ANKRD17: variants seen among roughly 807,000 people sequenced by gnomAD.
The protein encoded by ANKRD17 is ankyrin repeat domain-containing protein 17.
In ANKRD17, 19 loss-of-function variants were observed where a neutral mutation model predicts 229.7. The ratio of observed to expected loss-of-function variants is 0.08; its 90% CI spans 0.06 to 0.12. ANKRD17 has a LOEUF of 0.12. ANKRD17 is among the 10% of genes least tolerant of loss of function. The pLI is 1.00. For synonymous variants in ANKRD17, 1,112 were observed against 1,146.1 expected, an observed-to-expected ratio of 0.97 and a Z score of 0.60; for missense variants, 2,176 against 3,176.8, an observed-to-expected ratio of 0.68 and a Z score of 7.57.
intron 1 of ANKRD17, among the ~76,000 whole-genome samples, chr4:73,206,404 AAGAGAGAGAGAGAAAGAAAGTG>A (rs1385979536): frequency 6.7e-6 from 1 of 148,856 alleles, no homozygotes; most frequent in African/African-American, 2.5e-5. Flanking sequence ...AACAGAAAGA[AAGAGAGAGAGAGAAAGAAAGTG>A]AGAGAGAGAG....
At chr4:73,197,849 G>A (rs1162995971) in intron 1 of ANKRD17, among the ~76,000 whole-genome samples, 1 of 152,218 alleles carries the variant, frequency 6.6e-6, no homozygotes, top group South Asian at 2.1e-4. Context: ...ACTTTCAAGA[G>A]AGAACATTGA....
intron 1 of ANKRD17, among the ~76,000 whole-genome samples, chr4:73,246,879 C>T (rs183444979): frequency 6.6e-5 from 10 of 152,140 alleles, no homozygotes; most frequent in African/African-American, 2.4e-4. Context: ...AAAAAGAGAT[C>T]CATGTATCTT....
chr4:73,121,465 A>T, intron 19 of ANKRD17, 152 bp downstream of exon 19: 1 of 868,204 alleles, frequency 1.2e-6, no homozygotes, highest in Non-Finnish European at 1.8e-6. Context: ...TTAATTACTT[A>T]AATAAAGTTC....
chr4:73,085,549 G>C, intron 29 of ANKRD17, 103 bp from the exon 30 acceptor site: 1 of 1,047,720 alleles, frequency 9.5e-7, no homozygotes, highest in South Asian at 1.6e-5. Context: ...AACTATTTTA[G>C]ATAATTAAAA....
chr4:73,191,193 T>C (rs895768403), intron 1 of ANKRD17, among the ~76,000 whole-genome samples: 1 of 152,084 alleles, frequency 6.6e-6, no homozygotes, highest in African/African-American at 2.4e-5. Flanking sequence ...CAGTGGAGTA[T>C]TGAATCCAGA....
At chr4:73,162,902 C>T (rs1464203526) in intron 2 of ANKRD17, among the ~76,000 whole-genome samples, 1 of 151,904 alleles carries the variant, frequency 6.6e-6, no homozygotes, top group South Asian at 2.1e-4. Context: ...CCTGGTTGCC[C>T]AAGCTGAAGT....
chr4:73,252,583 A>T (rs941714997), intron 1 of ANKRD17, among the ~76,000 whole-genome samples: 5 of 152,192 alleles, frequency 3.3e-5, no homozygotes, highest in Non-Finnish European at 7.4e-5. Flanking sequence ...AAGAAAAATA[A>T]AGCCTTATAA....
intron 29 of ANKRD17, among the ~76,000 whole-genome samples, chr4:73,089,390 A>G (rs1362901191): frequency 2.0e-5 from 3 of 152,218 alleles, no homozygotes; most frequent in Non-Finnish European, 4.4e-5. Flanking sequence ...AAAAACAGGC[A>G]GCAGGCCAAA....
At chr4:73,245,507 G>C (rs900873783) in intron 1 of ANKRD17, among the ~76,000 whole-genome samples, 2 of 152,098 alleles carry the variant, frequency 1.3e-5, no homozygotes, top group Non-Finnish European at 2.9e-5. Context: ...ACTGCCTATG[G>C]AGAACAGCTT....
rs748966512 is a variant in ANKRD17, at chr4:73,102,395, T to C, written c.4554A>G (p.Lys1518=). Residue 1518 remains lysine, a synonymous_variant, in exon 25 of 34, where the codon AAA becomes AAG. Transcript: ENST00000358602. ...AAATACCTTCAACTTTAAGCTTTTCTTTTTCTTGAGCAGCTTGGAGTTCAA... is the reference window on the plus strand; with the variant it reads ...AAATACCTTCAACTTTAAGCTTTTCCTTTTCTTGAGCAGCTTGGAGTTCAA... ...ENFELQAAQE[K]EKLKVEDEPE... is the part of the protein sequence containing the mutation. The C allele has an allele frequency of 1.6e-5, 26 of 1,583,720 alleles. No homozygotes were observed. The South Asian group carries it at 2.9e-4, about 17-fold the overall frequency.
intron 15 of ANKRD17, among the ~76,000 whole-genome samples, chr4:73,138,717 C>T (rs1729224081): frequency 6.6e-6 from 1 of 151,960 alleles, no homozygotes; most frequent in Non-Finnish European, 1.5e-5. Context: ...AATTATCCTT[C>T]TCAGTACAGC....
chr4:73,120,822 CT>C, intron 20 of ANKRD17, 58 bp downstream of exon 20: 1 of 1,443,770 alleles, frequency 6.9e-7, no homozygotes, highest in Middle Eastern at 1.8e-4. Context: ...CATGTTGCTA[CT>C]ATATATCTTA....
intron 29 of ANKRD17, 119 bp from the exon 30 acceptor site, chr4:73,085,565 C>T (rs1455985795): frequency 4.2e-6 from 4 of 949,236 alleles, no homozygotes; most frequent in Admixed American, 2.7e-5. Context: ...TAAAAAAATC[C>T]CGGCTGGGAG....
At chr4:73,190,905 C>CA (rs200803339) in intron 1 of ANKRD17, among the ~76,000 whole-genome samples, 1,568 of 151,416 alleles carry the variant, frequency 0.01, 19 homozygotes, top group Middle Eastern at 0.031. Flanking sequence ...AAAACAAAAA[C>CA]AAAAAAAACA....
At chr4:73,255,596 C>T (rs1381668903) in intron 1 of ANKRD17, among the ~76,000 whole-genome samples, 3 of 152,182 alleles carry the variant, frequency 2.0e-5, no homozygotes, top group African/African-American at 7.2e-5. Flanking sequence ...AAAAACATTA[C>T]ACAACTCACC....
intron 1 of ANKRD17, among the ~76,000 whole-genome samples, chr4:73,208,770 T>C (rs1484395469): frequency 6.6e-6 from 1 of 152,132 alleles, no homozygotes; most frequent in African/African-American, 2.4e-5. Context: ...ATGCAGTGCA[T>C]AGAGGGAAAC....
intron 1 of ANKRD17, among the ~76,000 whole-genome samples, chr4:73,256,302 C>A (rs529814678): frequency 6.6e-6 from 1 of 152,278 alleles, no homozygotes; most frequent in Non-Finnish European, 1.5e-5. Context: ...ACAAAACTAC[C>A]TAGGTATGTT....
At chr4:73,156,823 T>C (rs1313739010) in intron 3 of ANKRD17, among the ~76,000 whole-genome samples, 1 of 152,164 alleles carries the variant, frequency 6.6e-6, no homozygotes, top group Non-Finnish European at 1.5e-5. Context: ...TCTTCATAAA[T>C]TATCCAGTCT....
intron 25 of ANKRD17, among the ~76,000 whole-genome samples, chr4:73,101,664 C>A (rs199965749): frequency 3.9e-3 from 434 of 111,412 alleles, no homozygotes; most frequent in East Asian, 6.4e-3. Flanking sequence ...GACTCGGTCT[C>A]AAAAAAAAAA....
Sources: allele counts gnomAD v4.1 joint callset (sites outside exome capture counted in the v4.1 genomes callset), GRCh38; gene constraint gnomAD v4.1.1; transcripts MANE v1.5; gene names NCBI Gene and HGNC (gene_info 2026-07-23, HGNC 2026-07-21).